Variants in INVS observed in about 807,000 individuals in gnomAD.
The protein encoded by INVS is inversin, also known as inversion of embryo turning homolog.
INVS carries 86 observed loss-of-function variants against 108.8 expected under a neutral mutation model. That is an observed-to-expected ratio of 0.79 (90% CI 0.66 to 0.95). The LOEUF (loss-of-function observed/expected upper bound fraction) is 0.95. Among genes scored for constraint, INVS ranks in the 40% least tolerant of loss-of-function variants. The pLI, the probability that INVS is intolerant of heterozygous loss-of-function variation, is 0.00. For missense variants in INVS, 1,169 were observed against 1,297.4 expected (o/e 0.90, Z 1.52); for synonymous variants, 455 against 473.5 (o/e 0.96, Z 0.51).
At chr9:100,299,635 GACACACACACACACACACACAC>G (rs10530240) in intron 16 of INVS, among the ~76,000 whole-genome samples, 1,565 of 132,326 alleles carry the variant, frequency 0.012, 19 homozygotes, top group African/African-American at 0.018. Context: ...GCCTTTTATT[GACACACACACACACACACACAC>G]ACACACACAC....
At chr9:100,168,149 T>C (rs115502978) in intron 3 of INVS, among the ~76,000 whole-genome samples, 9 of 152,248 alleles carry the variant, frequency 5.9e-5, no homozygotes, top group African/African-American at 2.2e-4. Context: ...GCTGGAGCAT[T>C]TGCATCTCCA....
intron 3 of INVS, among the ~76,000 whole-genome samples, chr9:100,164,622 A>G (rs1829300123): frequency 6.6e-6 from 1 of 152,170 alleles, no homozygotes; most frequent in Non-Finnish European, 1.5e-5. Flanking sequence ...TTATATCAAT[A>G]TGTATTTCTA....
At chr9:100,228,433 C>T (rs936989051) in intron 4 of INVS, among the ~76,000 whole-genome samples, 3 of 152,186 alleles carry the variant, frequency 2.0e-5, no homozygotes, top group African/African-American at 4.8e-5. Context: ...AATTTGTCTA[C>T]TGATACATGG....
intron 11 of INVS, among the ~76,000 whole-genome samples, chr9:100,270,818 G>A (rs1384740836): frequency 4.0e-5 from 6 of 151,242 alleles, no homozygotes; most frequent in Middle Eastern, 3.4e-3. Flanking sequence ...GCTATTTGGG[G>A]GGCTGAGGCA....
chr9:100,141,660 C>T (rs1435560844), intron 3 of INVS, among the ~76,000 whole-genome samples: 9 of 152,174 alleles, frequency 5.9e-5, no homozygotes, highest in African/African-American at 2.2e-4. Flanking sequence ...GTAAAGTCAA[C>T]TTGCCAGTCC....
chr9:100,229,946 A>G (rs1352035641), intron 5 of INVS, 119 bp downstream of exon 5: 1 of 932,660 alleles, frequency 1.1e-6, no homozygotes, highest in African/African-American at 1.6e-5. Context: ...AAAGAATACA[A>G]CAGACATATG....
intron 12 of INVS, among the ~76,000 whole-genome samples, chr9:100,278,667 T>C (rs180994528): frequency 9.9e-4 from 151 of 152,314 alleles, no homozygotes; most frequent in African/African-American, 3.6e-3. Flanking sequence ...AGGCCTTAGT[T>C]TCCCCATCTG....
intron 13 of INVS, among the ~76,000 whole-genome samples, chr9:100,286,924 A>C (rs1564191185): frequency 6.6e-6 from 1 of 152,064 alleles, no homozygotes; most frequent in East Asian, 1.9e-4. Context: ...TTTACTTGTC[A>C]TTTTTTCCAC....
In INVS at chr9:100,201,462, T is replaced by G. The variant is rs1830529192; in HGVS notation, c.274-24600T>G. Among the ~76,000 whole-genome samples, 2 of 152,192 alleles carry G rather than the reference T, an allele frequency of 1.3e-5. 1 individual carries two copies. The highest frequency in any genetic ancestry group is 4.1e-4 in the South Asian group (2 of 4,830). On this transcript the variant is annotated intron_variant, in intron 3 of 16. Transcript: ENST00000262457. ...GATATGCAGAAACATGATGGACAAT[T>G]GCTTCCAAACAAGTACAAGGAGAAA...
chr9:100,141,970 G>A (rs929496237), intron 3 of INVS, among the ~76,000 whole-genome samples: 1 of 152,160 alleles, frequency 6.6e-6, no homozygotes, highest in Non-Finnish European at 1.5e-5. Context: ...AAGTTTCAGT[G>A]GGGGAGTAGG....
intron 3 of INVS, among the ~76,000 whole-genome samples, chr9:100,187,525 C>CTTT (rs34728274): frequency 1.6e-4 from 17 of 105,526 alleles, no homozygotes; most frequent in South Asian, 2.8e-4. Context: ...TCTATGATTT[C>CTTT]TTTTTTTTTT....
intron 13 of INVS, among the ~76,000 whole-genome samples, chr9:100,289,886 G>C (rs756907254): frequency 1.3e-5 from 2 of 152,224 alleles, no homozygotes; most frequent in Non-Finnish European, 2.9e-5. Context: ...ATATAAAGGA[G>C]TGTGATTGCT....
intron 11 of INVS, among the ~76,000 whole-genome samples, chr9:100,271,486 C>G (rs1832952739): frequency 6.6e-6 from 1 of 152,186 alleles, no homozygotes; most frequent in South Asian, 2.1e-4. Context: ...CACATGAGAG[C>G]AGATCTATAA....
At chr9:100,208,694 G>T (rs541805842) in intron 3 of INVS, among the ~76,000 whole-genome samples, 7 of 152,278 alleles carry the variant, frequency 4.6e-5, no homozygotes, top group African/African-American at 1.7e-4. Context: ...AAAATTTGTT[G>T]CATTTAGCTT....
chr9:100,202,560 T>A (rs1341767861), intron 3 of INVS, among the ~76,000 whole-genome samples: 3 of 152,238 alleles, frequency 2.0e-5, no homozygotes, highest in Admixed American at 1.3e-4. Context: ...TCTTTTCCAC[T>A]TCCTTTTCTT....
chr9:100,141,408 A>T (rs1356262218), intron 3 of INVS, among the ~76,000 whole-genome samples: 2 of 152,152 alleles, frequency 1.3e-5, no homozygotes, highest in African/African-American at 4.8e-5. Flanking sequence ...CCGTAAGGGA[A>T]ATAAAGGTTT....
intron 3 of INVS, among the ~76,000 whole-genome samples, chr9:100,219,881 G>GATATATATATATATATATATATAT (rs61219577): frequency 1.6e-4 from 24 of 148,012 alleles, no homozygotes; most frequent in African/African-American, 5.7e-4. Context: ...GTCGTTTATG[G>GATATATATATATATATATATATAT]ATATATATAT....
intron 2 of INVS, among the ~76,000 whole-genome samples, chr9:100,115,460 C>T (rs1335916394): frequency 6.6e-6 from 1 of 152,116 alleles, no homozygotes; most frequent in African/African-American, 2.4e-5. Context: ...CCCCGTCCCC[C>T]GACCCCACAA....
At chr9:100,254,283 A>G (rs1287904726) in intron 10 of INVS, among the ~76,000 whole-genome samples, 1 of 151,958 alleles carries the variant, frequency 6.6e-6, no homozygotes, top group Non-Finnish European at 1.5e-5. Flanking sequence ...TTTCTTGTAA[A>G]TTTGTTTAAG....
Sources: gnomAD v4.1 joint callset for allele counts (sites outside exome capture counted in the v4.1 genomes callset) on GRCh38, gnomAD v4.1.1 for gene constraint, MANE v1.5 for transcripts, NCBI Gene and HGNC (gene_info 2026-07-23, HGNC 2026-07-21) for gene names.